The following PRDM5 variants were observed in gnomAD, a reference collection of about 807,000 sequenced individuals.
PRDM5 encodes PR/SET domain 5, also known as PR domain zinc finger protein 5.
Under a neutral mutation model 81.2 loss-of-function variants are expected in PRDM5, and 56 were observed. The observed-to-expected ratio is 0.69, with a 90% confidence interval of 0.56 to 0.86. PRDM5 has a LOEUF of 0.86. Ranked by LOEUF, PRDM5 falls within the 40% of genes least tolerant of loss-of-function variation. The pLI is 0.00. For synonymous variants in PRDM5, 267 were observed against 256.4 expected (o/e 1.04, Z -0.39); for missense variants, 697 against 770.1 (o/e 0.91, Z 1.12).
chr4:120,830,199 C>A (rs1020854915), intron 3 of PRDM5, among the ~76,000 whole-genome samples: 5 of 152,076 alleles, frequency 3.3e-5, no homozygotes, highest in African/African-American at 4.8e-5. Flanking sequence ...AGTAAGAGGA[C>A]TTTCCCAACT....
intron 2 of PRDM5, among the ~76,000 whole-genome samples, chr4:120,857,876 C>T (rs1363519516): frequency 2.6e-5 from 4 of 152,124 alleles, no homozygotes; most frequent in African/African-American, 9.7e-5. Flanking sequence ...ATGTTGCTTA[C>T]TCTATTATTT....
chr4:120,784,796 ATAAT>A (rs769515697), intron 11 of PRDM5, among the ~76,000 whole-genome samples, 198 bp downstream of exon 11: 40 of 152,290 alleles, frequency 2.6e-4, no homozygotes, highest in Non-Finnish European at 5.0e-4. Context: ...ATCTCATAAA[ATAAT>A]TAATATTACT....
chr4:120,753,833 T>C (rs542477787), intron 14 of PRDM5, among the ~76,000 whole-genome samples: 3 of 152,278 alleles, frequency 2.0e-5, no homozygotes, highest in East Asian at 3.9e-4. Flanking sequence ...TTTAAAACAA[T>C]ATAAAATTTC....
At chr4:120,877,229 C>CT (rs1323647426) in intron 2 of PRDM5, among the ~76,000 whole-genome samples, 5 of 152,128 alleles carry the variant, frequency 3.3e-5, no homozygotes, top group Non-Finnish European at 5.9e-5. Flanking sequence ...TAAACGAAGA[C>CT]TTTGTTTCTG....
At chr4:120,783,787 T>G (rs541180258) in intron 11 of PRDM5, among the ~76,000 whole-genome samples, 1 of 152,228 alleles carries the variant, frequency 6.6e-6, no homozygotes, top group Non-Finnish European at 1.5e-5. Context: ...CCTGAGAGCA[T>G]AACACTGCCT....
intron 13 of PRDM5, among the ~76,000 whole-genome samples, chr4:120,759,756 T>C (rs1745324868): frequency 6.6e-6 from 1 of 152,240 alleles, no homozygotes; most frequent in Admixed American, 6.5e-5. Context: ...TATGTTTTAA[T>C]AGCTCAGGTA....
At chr4:120,917,047 A>C (rs1332530949) in intron 1 of PRDM5, among the ~76,000 whole-genome samples, 1 of 152,086 alleles carries the variant, frequency 6.6e-6, no homozygotes. Flanking sequence ...CTCTCATTTC[A>C]CGCAAAGTAA....
intron 10 of PRDM5, among the ~76,000 whole-genome samples, chr4:120,787,394 A>AAGAG (rs1050533961): frequency 5.3e-5 from 8 of 152,212 alleles, no homozygotes; most frequent in African/African-American, 1.7e-4. Flanking sequence ...CTTTTATTCT[A>AAGAG]AGAGAGATGT....
chr4:120,862,704 T>C (rs1760742400), intron 2 of PRDM5, among the ~76,000 whole-genome samples: 1 of 152,202 alleles, frequency 6.6e-6, no homozygotes, highest in Non-Finnish European at 1.5e-5. Flanking sequence ...ATATGGGTTA[T>C]GTTGAACACC....
chr4:120,865,423 C>T (rs1053462016), intron 2 of PRDM5, among the ~76,000 whole-genome samples: 1 of 152,150 alleles, frequency 6.6e-6, no homozygotes, highest in African/African-American at 2.4e-5. Context: ...ACTCTAGTAC[C>T]ACAAAATCTT....
At chr4:120,813,715 T>C (rs1754142820) in intron 7 of PRDM5, among the ~76,000 whole-genome samples, 1 of 152,178 alleles carries the variant, frequency 6.6e-6, no homozygotes, top group Non-Finnish European at 1.5e-5. Context: ...AAACATATCA[T>C]ACCTGAGGCA....
At chr4:120,845,825 A>T (rs572523692) in intron 3 of PRDM5, among the ~76,000 whole-genome samples, 14 of 152,358 alleles carry the variant, frequency 9.2e-5, no homozygotes, top group Admixed American at 8.5e-4. Flanking sequence ...TGACATTCTA[A>T]ATGCCATTAA....
At chr4:120,847,735 G>C (rs1440920554) in intron 3 of PRDM5, among the ~76,000 whole-genome samples, 4 of 152,174 alleles carry the variant, frequency 2.6e-5, no homozygotes, top group South Asian at 2.1e-4. Context: ...CAGGCTAGAT[G>C]AAAGTCATTC....
At chr4:120,764,508 A>C (rs890434461) in intron 13 of PRDM5, among the ~76,000 whole-genome samples, 1 of 152,172 alleles carries the variant, frequency 6.6e-6, no homozygotes, top group Non-Finnish European at 1.5e-5. Flanking sequence ...TGAAAGCCAA[A>C]ATGAATGTCT....
intron 13 of PRDM5, among the ~76,000 whole-genome samples, chr4:120,766,838 C>G (rs1746459026): frequency 6.6e-6 from 1 of 152,036 alleles, no homozygotes; most frequent in Admixed American, 6.6e-5. Context: ...ATTTTTTATT[C>G]TAAAAAAGCA....
chr4:120,917,668 T>C (rs1314784435), intron 1 of PRDM5, among the ~76,000 whole-genome samples: 1 of 93,736 alleles, frequency 1.1e-5, no homozygotes, highest in East Asian at 3.1e-4. Flanking sequence ...GCATAGACTA[T>C]AGTCAGACAT....
intron 14 of PRDM5, 109 bp downstream of exon 14, chr4:120,754,444 A>G: frequency 2.9e-6 from 2 of 700,530 alleles, no homozygotes; most frequent in South Asian, 1.9e-5. Context: ...ATATAGATAT[A>G]CAACTTCCAG....
chr4:120,879,646 A>G (rs1277260117), intron 2 of PRDM5, among the ~76,000 whole-genome samples: 1 of 152,226 alleles, frequency 6.6e-6, no homozygotes. Flanking sequence ...CATAACATAC[A>G]AAATATGCAT....
chr4:120,825,455 C>T (rs112500969), intron 3 of PRDM5, among the ~76,000 whole-genome samples: 15,447 of 151,824 alleles, frequency 0.1, 1,823 homozygotes, highest in African/African-American at 0.29. Flanking sequence ...AGACATCCAG[C>T]TCATTACCTT....
Sources: gnomAD v4.1 joint callset for allele counts (sites outside exome capture counted in the v4.1 genomes callset) on GRCh38, gnomAD v4.1.1 for gene constraint, MANE v1.5 for transcripts, NCBI Gene and HGNC (gene_info 2026-07-23, HGNC 2026-07-21) for gene names.